Variants in ZMAT4 observed in about 807,000 individuals in gnomAD.
The protein encoded by ZMAT4 is zinc finger matrin-type 4, also known as zinc finger matrin-type protein 4.
Under a neutral mutation model 28.7 loss-of-function variants are expected in ZMAT4, and 17 were observed. The ratio of observed to expected loss-of-function variants is 0.59; its 90% CI spans 0.41 to 0.89. ZMAT4 has a LOEUF of 0.89. Among genes scored for constraint, ZMAT4 ranks in the 40% least tolerant of loss-of-function variants. ZMAT4 has a pLI of 0.00. For missense variants in ZMAT4, 240 were observed against 283.8 expected, an observed-to-expected ratio of 0.85 and a Z score of 1.11; for synonymous variants, 117 against 109.2, an observed-to-expected ratio of 1.07 and a Z score of -0.44.
intron 2 of ZMAT4, among the ~76,000 whole-genome samples, chr8:40,802,549 A>G (rs1453622961): frequency 1.1e-4 from 16 of 152,122 alleles, no homozygotes; most frequent in Admixed American, 9.8e-4. Context: ...AATTTTGATG[A>G]AGAAAATCAA....
intron 1 of ZMAT4, among the ~76,000 whole-genome samples, chr8:40,855,093 C>A (rs1352201182): frequency 1.3e-5 from 2 of 152,180 alleles, no homozygotes. Flanking sequence ...GTGGCATTCA[C>A]GGGTTTTTGC....
chr8:40,841,184 C>T (rs900664236), intron 1 of ZMAT4, among the ~76,000 whole-genome samples: 8 of 152,330 alleles, frequency 5.3e-5, no homozygotes, highest in Non-Finnish European at 7.3e-5. Context: ...AAGTGTTTTG[C>T]GGTGAACTCT....
At chr8:40,607,893 C>T (rs968974249) in intron 5 of ZMAT4, among the ~76,000 whole-genome samples, 1 of 152,030 alleles carries the variant, frequency 6.6e-6, no homozygotes, top group Non-Finnish European at 1.5e-5. Flanking sequence ...CTCTTCAGGT[C>T]TCTCAGCCAT....
intron 3 of ZMAT4, among the ~76,000 whole-genome samples, chr8:40,723,144 A>G (rs561170058): frequency 1.6e-4 from 25 of 152,314 alleles, no homozygotes; most frequent in Admixed American, 7.2e-4. Context: ...TTGCCTATGA[A>G]TACCAAGGAC....
intron 6 of ZMAT4, among the ~76,000 whole-genome samples, chr8:40,559,592 C>T (rs541844198): frequency 2.0e-5 from 3 of 152,260 alleles, no homozygotes; most frequent in African/African-American, 7.2e-5. Context: ...CCCAACCTGT[C>T]AGAATGCCCA....
At chr8:40,790,235 A>G (rs1405587175) in intron 2 of ZMAT4, among the ~76,000 whole-genome samples, 1 of 152,222 alleles carries the variant, frequency 6.6e-6, no homozygotes, top group Non-Finnish European at 1.5e-5. Context: ...TTATTCTTAA[A>G]CAACATGATT....
chr8:40,731,182 G>T (rs10958632), intron 3 of ZMAT4, among the ~76,000 whole-genome samples: 38,257 of 147,638 alleles, frequency 0.26, 5,473 homozygotes, highest in East Asian at 0.56. Context: ...CTGGTTGGAG[G>T]GCGTTCCAGG....
chr8:40,854,634 T>G lies in ZMAT4; in HGVS notation c.-4-28954A>C, dbSNP rs528166623. ...TCTTCTTCCACCTCACTCCTGAGAA[T>G]GGTCCCCTGACCTAAGAGGATCCCA... On this transcript the variant is annotated intron_variant, in intron 1 of 6. Transcript: ENST00000297737. 2.0e-5 allele frequency among the ~76,000 whole-genome samples: 3 copies of G among 152,294 alleles called. No individual in the cohort carries two copies. The South Asian group carries it at 6.2e-4, about 32-fold the overall frequency.
intron 6 of ZMAT4, among the ~76,000 whole-genome samples, chr8:40,541,786 C>A (rs1234436910): frequency 6.6e-6 from 1 of 152,200 alleles, no homozygotes; most frequent in African/African-American, 2.4e-5. Context: ...TAATTTGTGT[C>A]TCTCTCTCAA....
At chr8:40,556,759 TA>T (rs1474558714) in intron 6 of ZMAT4, among the ~76,000 whole-genome samples, 2 of 152,200 alleles carry the variant, frequency 1.3e-5, no homozygotes, top group Non-Finnish European at 2.9e-5. Flanking sequence ...GTTAGATGTG[TA>T]AAATGTGTAA....
At position 40,813,180 on chromosome 8, in the gene ZMAT4, TA is replaced by T. The variant is rs1299592009; in HGVS notation, c.102+12394del. Among the ~76,000 whole-genome samples the T allele has an allele frequency of 2.6e-5, 4 of 151,636 alleles. No homozygotes were observed. The South Asian group carries it at 6.2e-4, about 24-fold the overall frequency. On this transcript the variant is annotated intron_variant, in intron 2 of 6. Transcript: ENST00000297737. ...ACTATTCTAAAATTTAAAAATTATG[TA>T]AAAAAAATCCATGCCCACAAAGCCA...
chr8:40,774,635 T>C (rs1184500849), intron 2 of ZMAT4, among the ~76,000 whole-genome samples: 1 of 151,506 alleles, frequency 6.6e-6, no homozygotes, highest in Non-Finnish European at 1.5e-5. Flanking sequence ...ATATAATAGA[T>C]ACCAAAGAGC....
intron 2 of ZMAT4, among the ~76,000 whole-genome samples, chr8:40,801,656 G>A (rs1475018306): frequency 1.3e-5 from 2 of 151,846 alleles, no homozygotes; most frequent in Admixed American, 6.6e-5. Context: ...GGCAACAAGA[G>A]CGAAACTCTG....
chr8:40,617,873 A>G (rs1051250257), intron 5 of ZMAT4, among the ~76,000 whole-genome samples: 1 of 152,228 alleles, frequency 6.6e-6, no homozygotes, highest in South Asian at 2.1e-4. Context: ...CCCAAGATAC[A>G]TGCAATGTTT....
chr8:40,767,749 A>G lies in ZMAT4; in HGVS notation c.103-19T>C, dbSNP rs770627879. 6.3e-7 allele frequency: 1 copy of G among 1,599,148 alleles called. No homozygotes were observed. The highest frequency in any genetic ancestry group is 1.8e-5 in the Admixed American group (1 of 56,636). On this transcript the variant is annotated intron_variant, in intron 2 of 6. Transcript: ENST00000297737. ...TTCGACTCTGGGAAGGAAAAGCATA[A>G]GCAGATACTGTAAAAGATAAGCCAT...
intron 2 of ZMAT4, among the ~76,000 whole-genome samples, chr8:40,800,945 C>T (rs1204341705): frequency 3.3e-5 from 5 of 151,774 alleles, no homozygotes; most frequent in East Asian, 1.9e-4. Flanking sequence ...GCTCATTCTT[C>T]GAAAACATGA....
intron 1 of ZMAT4, among the ~76,000 whole-genome samples, chr8:40,888,201 A>G (rs539434248): frequency 6.6e-6 from 1 of 152,316 alleles, no homozygotes; most frequent in Admixed American, 6.5e-5. Context: ...CTCCAGAAAC[A>G]TCAGGTAGGC....
chr8:40,600,867 A>C (rs971539188), intron 5 of ZMAT4, among the ~76,000 whole-genome samples: 17 of 152,076 alleles, frequency 1.1e-4, no homozygotes, highest in Non-Finnish European at 1.6e-4. Context: ...ACTCTTAATT[A>C]ATAGGAACCC....
intron 1 of ZMAT4, among the ~76,000 whole-genome samples, chr8:40,878,360 T>C (rs1021718312): frequency 6.6e-6 from 1 of 152,148 alleles, no homozygotes; most frequent in Non-Finnish European, 1.5e-5. Flanking sequence ...TTTAAACTTA[T>C]AGAACACTGG....
Sources: allele counts gnomAD v4.1 joint callset (sites outside exome capture counted in the v4.1 genomes callset), GRCh38; gene constraint gnomAD v4.1.1; transcripts MANE v1.5; gene names NCBI Gene and HGNC (gene_info 2026-07-23, HGNC 2026-07-21).